Variants in SEMA3C observed in about 807,000 individuals in gnomAD.
SEMA3C encodes semaphorin 3C.
Under a neutral mutation model 89.4 loss-of-function variants are expected in SEMA3C, and 47 were observed. The observed-to-expected ratio is 0.53, with a 90% confidence interval of 0.42 to 0.67. The LOEUF (loss-of-function observed/expected upper bound fraction) is 0.67, where lower values mean the gene tolerates loss of function less well. SEMA3C is among the 30% of genes least tolerant of loss of function. SEMA3C has a pLI of 0.00. For missense variants in SEMA3C, 839 were observed against 929.1 expected (o/e 0.90, Z 1.26); for synonymous variants, 310 against 320.2 (o/e 0.97, Z 0.34).
intron 2 of SEMA3C, among the ~76,000 whole-genome samples, chr7:80,854,114 C>T (rs563699473): frequency 8.5e-5 from 13 of 152,174 alleles, no homozygotes; most frequent in African/African-American, 2.6e-4. Context: ...TGAGACATCA[C>T]AATGACCCTG....
intron 2 of SEMA3C, among the ~76,000 whole-genome samples, chr7:80,834,667 G>A (rs1410449684): frequency 6.6e-6 from 1 of 152,098 alleles, no homozygotes; most frequent in African/African-American, 2.4e-5. Flanking sequence ...ACTTGATAAA[G>A]GAAGGTAGAG....
chr7:80,802,515 T>C (rs1789232836), intron 9 of SEMA3C, 150 bp downstream of exon 9: 1 of 532,980 alleles, frequency 1.9e-6, no homozygotes, highest in African/African-American at 1.9e-5. Flanking sequence ...CTTAAGAAAA[T>C]TTATGAACAG....
intron 2 of SEMA3C, among the ~76,000 whole-genome samples, chr7:80,865,116 G>A (rs1790895365): frequency 6.6e-6 from 1 of 152,070 alleles, no homozygotes. Flanking sequence ...TTTCTAAAAT[G>A]AGTTTCTTTA....
At position 80,805,776 on chromosome 7, in the gene SEMA3C, T is replaced by C. The variant is rs1583894802; in HGVS notation, c.539-18A>G. 8 of 1,558,242 alleles carry C rather than the reference T, an allele frequency of 5.1e-6. No individual in the cohort carries two copies. The highest frequency in any genetic ancestry group is 1.2e-5 in the South Asian group (1 of 85,830). Reference sequence around the variant, plus strand: ...CTCCTCATCTATGAAAAAGAAAATATCAATGAAATGTAAATTTTTAAAGCT... The same window carrying C: ...CTCCTCATCTATGAAAAAGAAAATACCAATGAAATGTAAATTTTTAAAGCT... On this transcript the variant is annotated intron_variant, in intron 6 of 17. Coordinates refer to ENST00000265361, the MANE Select transcript of SEMA3C (RefSeq NM_006379.5).
intron 2 of SEMA3C, among the ~76,000 whole-genome samples, chr7:80,850,665 C>T (rs1054160646): frequency 2.0e-5 from 3 of 152,048 alleles, no homozygotes; most frequent in South Asian, 2.1e-4. Flanking sequence ...TCAGCCTGCA[C>T]GGTAGTTAGA....
intron 17 of SEMA3C, among the ~76,000 whole-genome samples, chr7:80,746,343 G>A (rs939058648): frequency 4.6e-5 from 7 of 152,000 alleles, no homozygotes; most frequent in Non-Finnish European, 7.4e-5. Context: ...AGAATCACTT[G>A]GAGGAAGAAA....
rs143641723 is a variant in SEMA3C, at chr7:80,878,545, C to T, written c.103+38134G>A. On this transcript the variant is annotated intron_variant, in intron 2 of 17. Coordinates refer to ENST00000265361, the MANE Select transcript of SEMA3C (RefSeq NM_006379.5). ...GGAAGTTAGCTTGGGCACTGGGATA[C>T]AGGACTGTCATTTACTGGATACAAA... 2.0e-5 allele frequency among the ~76,000 whole-genome samples: 3 copies of T among 152,162 alleles called. No individual in the cohort carries two copies. In the East Asian group the frequency reaches 5.8e-4, roughly 29 times the overall value.
chr7:80,912,991 T>C lies in SEMA3C; in HGVS notation c.103+3688A>G, dbSNP rs369948147. On this transcript the variant is annotated intron_variant, in intron 2 of 17. Coordinates refer to ENST00000265361, the MANE Select transcript of SEMA3C (RefSeq NM_006379.5). ...ATTTGTTGAGGGTGATTTTAAAAGA[T>C]GTTTTATAAAATTCCATAGTCTTTC... Among the ~76,000 whole-genome samples, 8 of 152,368 alleles carry C rather than the reference T, an allele frequency of 5.3e-5. No homozygotes were observed. The South Asian group carries it at 1.7e-3, about 32-fold the overall frequency.
At chr7:80,915,714 C>T (rs955896828) in intron 2 of SEMA3C, 3 of 144,072 alleles carry the variant, frequency 2.1e-5, no homozygotes, top group Non-Finnish European at 4.5e-5. Context: ...TGCACTCCAA[C>T]CTGGTGACAG....
intron 2 of SEMA3C, among the ~76,000 whole-genome samples, chr7:80,895,928 C>T (rs1330914106): frequency 6.6e-6 from 1 of 151,774 alleles, no homozygotes; most frequent in South Asian, 2.1e-4. Context: ...ATATTTAGGC[C>T]TGTGAATAAA....
At chr7:80,915,339 G>A (rs1284107756) in intron 2 of SEMA3C, among the ~76,000 whole-genome samples, 1 of 152,146 alleles carries the variant, frequency 6.6e-6, no homozygotes, top group African/African-American at 2.4e-5. Context: ...GAAGCAATTA[G>A]AAGCTCACAC....
At chr7:80,751,223 G>A (rs1583841789) in intron 16 of SEMA3C, 46 bp downstream of exon 16, 1 of 1,434,544 alleles carries the variant, frequency 7.0e-7, no homozygotes, top group Non-Finnish European at 9.8e-7. Flanking sequence ...GTGATACGGA[G>A]CATTGCTACT....
At chr7:80,786,743 C>T (rs900806567) in intron 12 of SEMA3C, among the ~76,000 whole-genome samples, 3 of 152,138 alleles carry the variant, frequency 2.0e-5, no homozygotes, top group African/African-American at 7.2e-5. Flanking sequence ...TTATGATTTT[C>T]AATTTATCTT....
At chr7:80,769,900 A>AAGCTGCTT (rs1228093660) in intron 12 of SEMA3C, among the ~76,000 whole-genome samples, 87 of 151,474 alleles carry the variant, frequency 5.7e-4, no homozygotes, top group African/African-American at 2.1e-3. Flanking sequence ...CACAATACAA[A>AAGCTGCTT]AGCTGCTTTT....
intron 2 of SEMA3C, among the ~76,000 whole-genome samples, chr7:80,861,021 T>C (rs571002085): frequency 6.6e-6 from 1 of 152,280 alleles, no homozygotes; most frequent in East Asian, 1.9e-4. Flanking sequence ...TTCACTTAAT[T>C]AACAAAGGCC....
rs151199537 is a variant in SEMA3C, at chr7:80,815,093, A to G, written c.447+3206T>C. On this transcript the variant is annotated intron_variant, in intron 5 of 17. Coordinates refer to ENST00000265361, the MANE Select transcript of SEMA3C (RefSeq NM_006379.5). ...TCTTTAAAGCTTTAAAGTAGCTTCA[A>G]CATGATTTTGATTCTGCTTTTATTC... Among the ~76,000 whole-genome samples the G allele has an allele frequency of 5.2e-3, 791 of 152,326 alleles. 11 individuals carry two copies. The highest frequency in any genetic ancestry group is 0.018 in the African/African-American group (756 of 41,578).
chr7:80,750,469 T>TACACACACAC lies in SEMA3C; in HGVS notation c.1711+799_1711+800insGTGTGTGTGT, dbSNP rs1458342632. Among the ~76,000 whole-genome samples the TACACACACAC allele has an allele frequency of 4.9e-3, 244 of 50,120 alleles. 1 individual carries two copies. Among genetic ancestry groups the TACACACACAC allele is most frequent in the Non-Finnish European group, 6.6e-3 (168 of 25,376 alleles). The allele number at this position is 50,120 out of a possible 152,430, so 32.9% of individuals were successfully genotyped here. A position where few individuals can be genotyped will look rare whatever the true frequency, so the allele number is the denominator to read the frequency against. ...ATATATATATATATATATATATATATATATACACACACACACACACACACA... is the reference window on the plus strand; with the variant it reads ...ATATATATATATATATATATATATATACACACACACATATACACACACACACACACACACA... On this transcript the variant is annotated intron_variant, in intron 16 of 17. Transcript: ENST00000265361.
At chr7:80,782,490 T>C (rs1788712997) in intron 12 of SEMA3C, among the ~76,000 whole-genome samples, 3 of 152,136 alleles carry the variant, frequency 2.0e-5, no homozygotes, top group Admixed American at 2.0e-4. Flanking sequence ...AAAATATAAA[T>C]GAAATGAACT....
chr7:80,895,332 T>C (rs1269150933), intron 2 of SEMA3C, among the ~76,000 whole-genome samples: 1 of 152,208 alleles, frequency 6.6e-6, no homozygotes, highest in Non-Finnish European at 1.5e-5. Flanking sequence ...CGACTACCAC[T>C]GTTTTTCCAG....
Sources: allele counts gnomAD v4.1 joint callset (sites outside exome capture counted in the v4.1 genomes callset), GRCh38; gene constraint gnomAD v4.1.1; transcripts MANE v1.5; gene names NCBI Gene and HGNC (gene_info 2026-07-23, HGNC 2026-07-21).